GALNT3: variants seen among roughly 807,000 people sequenced by gnomAD.
The protein encoded by GALNT3 is polypeptide N-acetylgalactosaminyltransferase 3.
A neutral mutation model predicts 69.8 loss-of-function variants in GALNT3; 51 were observed. That is an observed-to-expected ratio of 0.73 (90% CI 0.58 to 0.92). GALNT3 has a LOEUF of 0.92. Ranked by LOEUF, GALNT3 falls within the 40% of genes least tolerant of loss-of-function variation. The pLI is 0.00. For missense variants in GALNT3, 711 were observed against 760.0 expected (o/e 0.94, Z 0.76); for synonymous variants, 265 against 248.5 (o/e 1.07, Z -0.63).
At chr2:165,789,724 A>AT (rs1683302777) in intron 1 of GALNT3, among the ~76,000 whole-genome samples, 3 of 151,016 alleles carry the variant, frequency 2.0e-5, no homozygotes, top group Admixed American at 2.0e-4. Context: ...AAAAAATCTG[A>AT]TTTTTTTGGA....
chr2:165,759,447 G>T lies in GALNT3; in HGVS notation c.962C>A (p.Pro321His). 6.2e-7 allele frequency: 1 copy of T among 1,613,990 alleles called. No individual in the cohort carries two copies. Among genetic ancestry groups the T allele is most frequent in the Non-Finnish European group, 8.5e-7 (1 of 1,179,938 alleles). The change falls in exon 5 of 11, where the codon CCT (proline) becomes CAT (histidine). Residue 321 changes from proline to histidine, a missense_variant. Coordinates refer to ENST00000392701, the MANE Select transcript of GALNT3 (RefSeq NM_004482.4). ...LNTFEFNKPS[P>H]YGSNHNRGNF... ...TCCACGGTTATGGTTACTTCCATAA[G>T]GAGAAGGTTTGTTGAATTCAAACGT...
At chr2:165,775,371 T>C (rs935429312) in intron 1 of GALNT3, among the ~76,000 whole-genome samples, 6 of 152,170 alleles carry the variant, frequency 3.9e-5, no homozygotes, top group Non-Finnish European at 8.8e-5. Flanking sequence ...TAATAAAGAT[T>C]GAAAATAAGA....
intron 2 of GALNT3, 63 bp from the exon 3 acceptor site, chr2:165,765,119 A>T: frequency 7.8e-7 from 1 of 1,286,264 alleles, no homozygotes; most frequent in Non-Finnish European, 1.1e-6. Flanking sequence ...TCACAGCTAT[A>T]CCATTGCTAA....
Position 165,770,194 on chromosome 2 carries a change from T to C in GALNT3, c.507A>G (p.Arg169=), listed in dbSNP as rs150682922. Residue 169 remains arginine (R), a synonymous_variant, in exon 2 of 11, where the codon CGA becomes CGG. Transcript: ENST00000392701. Reference sequence around the variant, plus strand: ...AATATTCTTCAACATACTCAGGAGGTCGAGTGTCTGGTCCAAGATCTCGGT... The same window carrying C: ...AATATTCTTCAACATACTCAGGAGGCCGAGTGTCTGGTCCAAGATCTCGGT... ...SLHRDLGPDT[R]PPECIEQKFK... The C allele has an allele frequency of 1.4e-3, 2,320 of 1,614,046 alleles. 3 individuals carry two copies. The highest frequency in any genetic ancestry group is 1.8e-3 in the Non-Finnish European group (2,120 of 1,179,998).
At chr2:165,779,727 A>AT (rs2105224249) in intron 1 of GALNT3, among the ~76,000 whole-genome samples, 1 of 152,350 alleles carries the variant, frequency 6.6e-6, no homozygotes, top group East Asian at 1.9e-4. Context: ...AAAAATGTGC[A>AT]TTGAACCTGA....
At chr2:165,772,034 A>C (rs1451453527) in intron 1 of GALNT3, among the ~76,000 whole-genome samples, 1 of 152,198 alleles carries the variant, frequency 6.6e-6, no homozygotes, top group East Asian at 1.9e-4. Flanking sequence ...TAAAAGTGAG[A>C]TTCCAATCTT....
intron 9 of GALNT3, among the ~76,000 whole-genome samples, chr2:165,753,117 A>G (rs1688382786): frequency 6.6e-6 from 1 of 152,196 alleles, no homozygotes; most frequent in Non-Finnish European, 1.5e-5. Context: ...TTAGAACTAG[A>G]TTAAGCTGAG....
intron 2 of GALNT3, among the ~76,000 whole-genome samples, chr2:165,769,441 A>AATAATAATAAT (rs1365934792): frequency 4.3e-4 from 34 of 79,898 alleles, no homozygotes; most frequent in African/African-American, 1.1e-3. Flanking sequence ...TAATAATAAT[A>AATAATAATAAT]AATAAATAAA....
chr2:165,755,133 T>C, intron 7 of GALNT3, 70 bp from the exon 8 acceptor site: 1 of 1,336,386 alleles, frequency 7.5e-7, no homozygotes, highest in Non-Finnish European at 1.1e-6. Flanking sequence ...AAAATACTCT[T>C]ATTTGTATTT....
intron 5 of GALNT3, among the ~76,000 whole-genome samples, 191 bp from the exon 6 acceptor site, chr2:165,759,055 C>A (rs1688496349): frequency 6.6e-6 from 1 of 152,094 alleles, no homozygotes; most frequent in Admixed American, 6.5e-5. Context: ...CGTGTCCTCT[C>A]CCATTGGAGT....
At chr2:165,783,014 G>A (rs1683144728) in intron 1 of GALNT3, among the ~76,000 whole-genome samples, 1 of 152,166 alleles carries the variant, frequency 6.6e-6, no homozygotes, top group South Asian at 2.1e-4. Context: ...ACATCTGCAA[G>A]CCAATGTTTT....
At position 165,762,007 on chromosome 2, in the gene GALNT3, C is replaced by CTA; in HGVS notation, c.734_735dup (p.Val246Ter). ...CTTTCTCTTTGTCTGACTATTTTTA[C>CTA]TATAGAAAATTGTTTTACATATTCA... On this transcript the variant is annotated frameshift_variant, in exon 4 of 11. Coordinates refer to ENST00000392701, the MANE Select transcript of GALNT3 (RefSeq NM_004482.4). LOFTEE classifies it high-confidence loss of function. 1.2e-6 allele frequency: 2 copies of CTA among 1,604,094 alleles called. No homozygotes were observed. The highest frequency in any genetic ancestry group is 1.7e-6 in the Non-Finnish European group (2 of 1,171,084).
At position 165,760,512 on chromosome 2, in the gene GALNT3, T is replaced by C. The variant is rs544038368; in HGVS notation, c.839-942A>G. The stretch of plus-strand genomic sequence containing the variant: ...AGGACCGTCAGACATATCCACCCAG[T>C]GGGTAGTGGGTAAGAATGTCCAGTA... On this transcript the variant is annotated intron_variant, in intron 4 of 10. Transcript: ENST00000392701. Among the ~76,000 whole-genome samples the C allele has an allele frequency of 5.3e-5, 8 of 152,326 alleles. No individual in the cohort carries two copies. The South Asian group carries it at 1.5e-3, about 28-fold the overall frequency.
chr2:165,756,775 TTTTC>T (rs959903573), intron 7 of GALNT3, among the ~76,000 whole-genome samples: 23 of 152,332 alleles, frequency 1.5e-4, no homozygotes, highest in African/African-American at 5.5e-4. Context: ...TTCTACTTAA[TTTTC>T]TTCGAGTAAA....
chr2:165,764,931 G>A lies in GALNT3; in HGVS notation c.641C>T (p.Ala214Val), dbSNP rs761321344. Residue 214 changes from alanine (A) to valine (V), a missense_variant, in exon 3 of 11, where the codon GCA becomes GTA. By Grantham distance (64) the Ala-to-Val change is moderately conservative. Coordinates refer to ENST00000392701, the MANE Select transcript of GALNT3 (RefSeq NM_004482.4). ...TVHSVLYSSP[A>V]ILLKEIILVD... is the part of the protein sequence containing the mutation. ...CAAAATGATTTCCTTCAGCAGTATT[G>A]CAGGTGAAGAATAGAGCACACTGTG... The A allele has an allele frequency of 3.7e-6, 6 of 1,614,028 alleles. No individual in the cohort carries two copies. Among genetic ancestry groups the A allele is most frequent in the Non-Finnish European group, 5.1e-6 (6 of 1,180,008 alleles).
intron 3 of GALNT3, among the ~76,000 whole-genome samples, chr2:165,762,707 T>C (rs1688573948): frequency 6.6e-6 from 1 of 152,334 alleles, no homozygotes; most frequent in East Asian, 1.9e-4. Context: ...ATATTCAATA[T>C]ACCAAATTGG....
chr2:165,784,768 C>T (rs1404055615), intron 1 of GALNT3, among the ~76,000 whole-genome samples: 1 of 152,080 alleles, frequency 6.6e-6, no homozygotes, highest in Non-Finnish European at 1.5e-5. Context: ...GCCAGTGAAA[C>T]TAACAGAGGC....
intron 4 of GALNT3, among the ~76,000 whole-genome samples, chr2:165,761,054 T>C (rs1206586189): frequency 6.6e-6 from 1 of 151,956 alleles, no homozygotes; most frequent in Non-Finnish European, 1.5e-5. Flanking sequence ...AAACATATTT[T>C]GGTTTTGTGG....
chr2:165,794,686 TTC>T (rs1224524589), upstream of GALNT3: 2 of 152,326 alleles, frequency 1.3e-5, no homozygotes, highest in Non-Finnish European at 1.5e-5. Context: ...GTTCAGCAGC[TTC>T]TGTCACCAGT....
Sources: allele counts gnomAD v4.1 joint callset (sites outside exome capture counted in the v4.1 genomes callset), GRCh38; gene constraint gnomAD v4.1.1; transcripts MANE v1.5; gene names NCBI Gene and HGNC (gene_info 2026-07-23, HGNC 2026-07-21).